APBB2: variants seen among roughly 807,000 people sequenced by gnomAD.
APBB2 encodes the protein amyloid beta precursor protein binding family B member 2.
In APBB2, 38 loss-of-function variants were observed where a neutral mutation model predicts 82.5. The ratio of observed to expected loss-of-function variants is 0.46; its 90% CI spans 0.36 to 0.60. The LOEUF (loss-of-function observed/expected upper bound fraction) is 0.60. APBB2 is among the 20% of genes least tolerant of loss of function. The pLI is 0.00. For missense variants in APBB2, 772 were observed against 972.3 expected (o/e 0.79, Z 2.74); for synonymous variants, 341 against 368.2 (o/e 0.93, Z 0.85).
rs927482607 is a variant in APBB2, at chr4:40,826,132, C to T, written c.1733-162G>A. The T allele has an allele frequency of 1.4e-5, 9 of 623,042 alleles. No individual in the cohort carries two copies. The highest frequency in any genetic ancestry group is 2.7e-5 in the Admixed American group (1 of 37,696). The allele number at this position is 623,042 out of a possible 1,614,324, so 38.6% of individuals were successfully genotyped here. On this transcript the variant is annotated intron_variant, in intron 14 of 17. Coordinates refer to ENST00000508593, the MANE Select transcript of APBB2 (RefSeq NM_004307.2). The surrounding 1 kb of genome is among the most constrained non-coding windows in gnomAD (Gnocchi z 4.5). Reference sequence around the variant, plus strand: ...CAACTATTCTACAAGAGCAGCATTACTCCAGATATTGGGGCTCTGTTAAAA... The same window carrying T: ...CAACTATTCTACAAGAGCAGCATTATTCCAGATATTGGGGCTCTGTTAAAA...
chr4:41,057,629 A>G (rs1294287935), intron 4 of APBB2, among the ~76,000 whole-genome samples: 1 of 152,202 alleles, frequency 6.6e-6, no homozygotes, highest in African/African-American at 2.4e-5. Context: ...TTCATCTTGC[A>G]CGGATTTTTG....
intron 15 of APBB2, 176 bp downstream of exon 15, chr4:40,825,711 C>G (rs2154298474): frequency 1.7e-6 from 1 of 599,172 alleles, no homozygotes; most frequent in Admixed American, 2.7e-5. Context: ...GGGCCTGTCC[C>G]TCTACTCATC....
At chr4:40,938,901 GC>G (rs1279446340) in intron 7 of APBB2, among the ~76,000 whole-genome samples, 2 of 152,170 alleles carry the variant, frequency 1.3e-5, no homozygotes, top group African/African-American at 4.8e-5. Flanking sequence ...CAGAGGTGGG[GC>G]CTTTAAGAGG....
intron 2 of APBB2, among the ~76,000 whole-genome samples, chr4:41,136,643 G>A (rs754230565): frequency 3.9e-5 from 6 of 152,114 alleles, no homozygotes; most frequent in Non-Finnish European, 7.4e-5. Context: ...GAACCAGGAC[G>A]CATGGCTTGA....
chr4:40,896,572 CACTT>C (rs1159472013), intron 10 of APBB2, among the ~76,000 whole-genome samples: 1 of 152,154 alleles, frequency 6.6e-6, no homozygotes, highest in African/African-American at 2.4e-5. Context: ...AAATAAAAAA[CACTT>C]GAACATTTGT....
At chr4:41,048,607 T>G (rs926625538) in intron 4 of APBB2, among the ~76,000 whole-genome samples, 14 of 151,944 alleles carry the variant, frequency 9.2e-5, no homozygotes, top group African/African-American at 2.9e-4. Flanking sequence ...TTCTCTCCTC[T>G]CAAAAAATAA....
At chr4:40,819,190 T>TC (rs1168194049) in intron 17 of APBB2, among the ~76,000 whole-genome samples, 23 of 93,430 alleles carry the variant, frequency 2.5e-4, no homozygotes, top group African/African-American at 8.0e-4. Flanking sequence ...TTTTTTTTTC[T>TC]TTTTTTTTTT....
In APBB2 at chr4:40,978,791, T is replaced by A. The variant is rs1285301450; in HGVS notation, c.836-33718A>T. Reference sequence around the variant, plus strand: ...AGCAAAAGCTCATTTTCTCCAAGATTCCATTTCAGTTAGTAACTAATTCGT... The same window carrying A: ...AGCAAAAGCTCATTTTCTCCAAGATACCATTTCAGTTAGTAACTAATTCGT... On this transcript the variant is annotated intron_variant, in intron 6 of 17. Coordinates refer to ENST00000508593, the MANE Select transcript of APBB2 (RefSeq NM_004307.2). Among the ~76,000 whole-genome samples, 4 of 152,156 alleles carry A rather than the reference T, an allele frequency of 2.6e-5. No individual in the cohort carries two copies. The East Asian group carries it at 7.7e-4, about 29-fold the overall frequency.
At chr4:40,940,683 C>T (rs1384250536) in intron 7 of APBB2, among the ~76,000 whole-genome samples, 1 of 152,152 alleles carries the variant, frequency 6.6e-6, no homozygotes. Context: ...TGATTTAGGA[C>T]CAAGAGGAAA....
At chr4:41,033,598 A>T (rs1211152877) in intron 4 of APBB2, among the ~76,000 whole-genome samples, 2 of 150,252 alleles carry the variant, frequency 1.3e-5, no homozygotes, top group Non-Finnish European at 3.0e-5. Flanking sequence ...ACACACACAC[A>T]CACACACACA....
chr4:40,868,729 A>G (rs907809516), intron 12 of APBB2, among the ~76,000 whole-genome samples: 10 of 152,268 alleles, frequency 6.6e-5, no homozygotes, highest in Admixed American at 2.6e-4. Flanking sequence ...CCACAAAGGA[A>G]CTAAATTACT....
rs192833876 is a variant in APBB2 at position 40,907,217 on chromosome 4, G to A, written c.1255-13806C>T. On this transcript the variant is annotated intron_variant, in intron 10 of 17. Transcript: ENST00000508593. ...TCCCCTCCCCAATTCCTATGCTTAA[G>A]TCCTAACCCCCAATGTGACTGTATT... 5.4e-3 allele frequency among the ~76,000 whole-genome samples: 825 copies of A among 151,732 alleles called. 6 individuals are homozygous for A. Among genetic ancestry groups the A allele is most frequent in the African/African-American group, 0.019 (777 of 41,346 alleles).
At chr4:41,019,150 G>A (rs1288313713) in intron 5 of APBB2, among the ~76,000 whole-genome samples, 2 of 152,240 alleles carry the variant, frequency 1.3e-5, no homozygotes, top group African/African-American at 4.8e-5. Context: ...GGGGGAGACA[G>A]GACAGTAGCT....
In APBB2 at chr4:40,827,127, C is replaced by T; in HGVS notation, c.1732+5G>A. ...TAATGAAGACATGAGGTGCCACTGA[C>T]TTACCTTGCAAAGGGACATCGAGGT... is the stretch of plus-strand genomic sequence containing the variant. On this transcript the variant is annotated splice_donor_5th_base_variant and intron_variant, in intron 14 of 17. Transcript: ENST00000508593. 6.2e-7 allele frequency: 1 copy of T among 1,613,938 alleles called. No homozygotes were observed. The highest frequency in any genetic ancestry group is 8.5e-7 in the Non-Finnish European group (1 of 1,179,834).
intron 1 of APBB2, among the ~76,000 whole-genome samples, chr4:41,174,110 C>T (rs1289421834): frequency 6.6e-6 from 1 of 152,124 alleles, no homozygotes; most frequent in Admixed American, 6.5e-5. Context: ...AAGCTGATCA[C>T]TTTTTCAGGG....
rs946876270 is a variant in APBB2 at position 40,832,606 on chromosome 4, C to T, written c.1530-2029G>A. Among the ~76,000 whole-genome samples, 3 of 152,204 alleles carry T rather than the reference C, an allele frequency of 2.0e-5. No individual in the cohort carries two copies. The highest frequency in any genetic ancestry group is 2.9e-5 in the Non-Finnish European group (2 of 68,040). ...CCCTCCATTTCCAGCCCCCTCACCA[C>T]GCAGCCATTCTAAGCTGCTCTTCGC... On this transcript the variant is annotated intron_variant, in intron 12 of 17. Coordinates refer to ENST00000508593, the MANE Select transcript of APBB2 (RefSeq NM_004307.2). The surrounding 1 kb of genome is among the most constrained non-coding windows in gnomAD (Gnocchi z 4.8).
chr4:41,059,745 T>C (rs1579653335), intron 4 of APBB2, among the ~76,000 whole-genome samples: 1 of 152,198 alleles, frequency 6.6e-6, no homozygotes, highest in African/African-American at 2.4e-5. Flanking sequence ...TGGTTTGCTG[T>C]TAATAAGTAT....
At chr4:40,880,561 G>C in intron 12 of APBB2, 1 of 985,404 alleles carries the variant, frequency 1.0e-6, no homozygotes, top group African/African-American at 1.7e-5. Context: ...TGTTTACATG[G>C]GTTGTTAGGC....
intron 12 of APBB2, among the ~76,000 whole-genome samples, chr4:40,851,736 ATATTTTT>A (rs1399920946): frequency 3.6e-5 from 3 of 82,824 alleles, no homozygotes; most frequent in African/African-American, 1.6e-4. Flanking sequence ...ATATATATAT[ATATTTTT>A]TTTTTTTTTT....
Sources: gnomAD v4.1 joint callset for allele counts (sites outside exome capture counted in the v4.1 genomes callset) on GRCh38, gnomAD v4.1.1 for gene constraint, Gnocchi (gnomAD v3.1) non-coding constraint, MANE v1.5 for transcripts, NCBI Gene and HGNC (gene_info 2026-07-23, HGNC 2026-07-21) for gene names.